Variants in KIF5A observed in about 807,000 individuals in gnomAD.
The protein encoded by KIF5A is kinesin heavy chain isoform 5A.
KIF5A carries 35 observed loss-of-function variants against 141.3 expected under a neutral mutation model. The ratio of observed to expected loss-of-function variants is 0.25; its 90% CI spans 0.19 to 0.33. The LOEUF (loss-of-function observed/expected upper bound fraction) is 0.33. Among genes scored for constraint, KIF5A ranks in the 10% least tolerant of loss-of-function variants. KIF5A has a pLI of 1.00. For synonymous variants in KIF5A, 448 were observed against 500.2 expected (o/e 0.90, Z 1.39); for missense variants, 861 against 1,314.3 (o/e 0.66, Z 5.33).
rs571841016 is a variant in KIF5A at position 57,585,094 on chromosome 12, G to T, written c.*913G>T. The T allele has an allele frequency of 1.3e-5, 2 of 152,284 alleles. No homozygotes were observed. Among genetic ancestry groups the T allele is most frequent in the Non-Finnish European group, 2.9e-5 (2 of 68,156 alleles). 9.4% of individuals were successfully genotyped at this position (152,284 alleles called of 1,614,324 possible). A position where few individuals can be genotyped will look rare whatever the true frequency, so the allele number is the denominator to read the frequency against. On this transcript the variant is annotated 3_prime_UTR_variant, in exon 29 of 29. Coordinates refer to ENST00000455537, the MANE Select transcript of KIF5A (RefSeq NM_004984.4). ...ATTCCTTGGGTTTGGGGGTGAATAG[G>T]CTGGGAAATTTCTGAGCCTTTTTTT... is the stretch of plus-strand genomic sequence containing the variant.
chr12:57,552,873 C>T (rs549459530), intron 1 of KIF5A, among the ~76,000 whole-genome samples: 1 of 152,182 alleles, frequency 6.6e-6, no homozygotes, highest in South Asian at 2.1e-4. Context: ...AGCACTGCGG[C>T]CAGCGCTGAG....
chr12:57,568,944 T>A lies in KIF5A; in HGVS notation c.715-19T>A. 6.3e-7 allele frequency: 1 copy of A among 1,585,086 alleles called. No homozygotes were observed. The highest frequency in any genetic ancestry group is 1.1e-5 in the South Asian group (1 of 90,348). Reference sequence around the variant, plus strand: ...ATGTGCAGCTGCTCATACACACTCATCTCTTACTGCCCTGGTAGGTCAGCA... The same window carrying A: ...ATGTGCAGCTGCTCATACACACTCAACTCTTACTGCCCTGGTAGGTCAGCA... On this transcript the variant is annotated intron_variant, in intron 8 of 28. Coordinates refer to ENST00000455537, the MANE Select transcript of KIF5A (RefSeq NM_004984.4).
chr12:57,564,851 G>T, intron 5 of KIF5A, 67 bp from the exon 6 acceptor site: 2 of 1,441,558 alleles, frequency 1.4e-6, no homozygotes, highest in South Asian at 1.1e-5. Context: ...CATCTGAGCT[G>T]ACTGCAAGGT....
At chr12:57,577,882 CA>C in intron 21 of KIF5A, 109 bp downstream of exon 21, 2 of 1,259,142 alleles carry the variant, frequency 1.6e-6, no homozygotes, top group Non-Finnish European at 2.3e-6. Context: ...GTAGCGTAAT[CA>C]AGACACATTT....
chr12:57,564,861 T>G, intron 5 of KIF5A, 57 bp from the exon 6 acceptor site: 1 of 1,507,122 alleles, frequency 6.6e-7, no homozygotes, highest in Admixed American at 1.7e-5. Flanking sequence ...GACTGCAAGG[T>G]GCAGATGGGG....
chr12:57,575,974 A>C, intron 17 of KIF5A, 113 bp from the exon 18 acceptor site: 1 of 1,063,624 alleles, frequency 9.4e-7, no homozygotes, highest in Non-Finnish European at 1.5e-6. Context: ...CCTAACACAG[A>C]AGAACATCCC....
intron 11 of KIF5A, 53 bp from the exon 12 acceptor site, chr12:57,569,934 G>A (rs1044304386): frequency 5.7e-6 from 9 of 1,590,506 alleles, no homozygotes; most frequent in East Asian, 2.2e-5. Flanking sequence ...GGAAGAACTC[G>A]TGGATGCAGC....
chr12:57,568,836 C>T, intron 8 of KIF5A, 127 bp from the exon 9 acceptor site: 1 of 710,498 alleles, frequency 1.4e-6, no homozygotes. Context: ...CCCAGCCAAG[C>T]ATCTCTGTTA....
intron 26 of KIF5A, 22 bp from the exon 27 acceptor site, chr12:57,582,580 T>A (rs1190121316): frequency 6.2e-7 from 1 of 1,605,066 alleles, no homozygotes; most frequent in South Asian, 1.1e-5. Flanking sequence ...TAATCCTGTG[T>A]TCTCAATGAT....
At position 57,550,249 on chromosome 12, in the gene KIF5A, C is replaced by T; in HGVS notation, c.-23C>T. On this transcript the variant is annotated 5_prime_UTR_variant, in exon 1 of 29. Coordinates refer to ENST00000455537, the MANE Select transcript of KIF5A (RefSeq NM_004984.4). The surrounding 1 kb of genome is among the most constrained non-coding windows in gnomAD (Gnocchi z 4.6). ...CCACCCCTGCAGCCCAAGAAGAGTC[C>T]CAGCCCCACGCCGGCTACCACCATG... The T allele has an allele frequency of 1.2e-6, 2 of 1,613,706 alleles. No homozygotes were observed. The highest frequency in any genetic ancestry group is 1.7e-6 in the Non-Finnish European group (2 of 1,179,968).
At chr12:57,563,373 G>A in intron 1 of KIF5A, 66 bp from the exon 2 acceptor site, 2 of 1,157,742 alleles carry the variant, frequency 1.7e-6, no homozygotes, top group Non-Finnish European at 2.6e-6. Flanking sequence ...CTGGAAGGAG[G>A]TTGTGGTATT....
intron 13 of KIF5A, 108 bp downstream of exon 13, chr12:57,571,497 G>T: frequency 9.2e-7 from 1 of 1,087,618 alleles, no homozygotes; most frequent in East Asian, 2.6e-5. Context: ...TTTCTGCTTG[G>T]GGATTAATCA....
intron 1 of KIF5A, among the ~76,000 whole-genome samples, chr12:57,557,102 G>A (rs970247151): frequency 1.6e-4 from 24 of 151,986 alleles, no homozygotes; most frequent in African/African-American, 5.6e-4. Flanking sequence ...CAATAATAAG[G>A]TCATAATTAT....
At position 57,572,308 on chromosome 12, in the gene KIF5A, G is replaced by T; in HGVS notation, c.1569+41G>T. ...ATGGTCCAACAGCTCCCTGACCACA[G>T]AACATCTCCCATGTCGAGGGGACCT... On this transcript the variant is annotated intron_variant, in intron 14 of 28. Transcript: ENST00000455537. This position sits in a 1 kb window ranked among gnomAD's most constrained non-coding sequence, Gnocchi z 4.2. 6.5e-7 allele frequency: 1 copy of T among 1,545,528 alleles called. No individual in the cohort carries two copies. Among genetic ancestry groups the T allele is most frequent in the Non-Finnish European group, 8.8e-7 (1 of 1,139,640 alleles).
intron 22 of KIF5A, 25 bp from the exon 23 acceptor site, chr12:57,578,213 C>T (rs373088978): frequency 3.0e-5 from 48 of 1,599,872 alleles, no homozygotes; most frequent in African/African-American, 2.9e-4. Context: ...AGGACAGCCA[C>T]GTCTTTCCTT....
At chr12:57,568,922 T>A in intron 8 of KIF5A, 41 bp from the exon 9 acceptor site, 1 of 1,393,100 alleles carries the variant, frequency 7.2e-7, no homozygotes, top group Non-Finnish European at 1.0e-6. Flanking sequence ...CCTCTCCATG[T>A]GCAGCTGCTC....
chr12:57,575,797 G>A, intron 17 of KIF5A, 40 bp downstream of exon 17: 1 of 1,372,382 alleles, frequency 7.3e-7, no homozygotes, highest in Non-Finnish European at 1.0e-6. Context: ...GTCCAGGGCA[G>A]AAAAGTCAGA....
chr12:57,576,925 CA>C, intron 20 of KIF5A, 63 bp downstream of exon 20: 1 of 1,236,422 alleles, frequency 8.1e-7, no homozygotes. Context: ...TGAACTCAGA[CA>C]CGCTTGCAGA....
At chr12:57,569,489 A>C in intron 10 of KIF5A, 46 bp from the exon 11 acceptor site, 1 of 1,613,708 alleles carries the variant, frequency 6.2e-7, no homozygotes, top group Non-Finnish European at 8.5e-7. Context: ...GGGTCACCCA[A>C]GTCTCATGTT....
Sources: gnomAD v4.1 joint callset for allele counts (sites outside exome capture counted in the v4.1 genomes callset) on GRCh38, gnomAD v4.1.1 for gene constraint, Gnocchi (gnomAD v3.1) non-coding constraint, MANE v1.5 for transcripts, NCBI Gene and HGNC (gene_info 2026-07-23, HGNC 2026-07-21) for gene names.